DPH6: variants seen among roughly 807,000 people sequenced by gnomAD.
DPH6 encodes diphthine--ammonia ligase.
DPH6 carries 33 observed loss-of-function variants against 38.2 expected under a neutral mutation model. The ratio of observed to expected loss-of-function variants is 0.86; its 90% CI spans 0.65 to 1.15. The LOEUF is 1.15. Ranked by LOEUF, DPH6 falls within the 50% of genes most tolerant of loss-of-function variation. DPH6 has a pLI of 0.00. For missense variants in DPH6, 325 were observed against 320.0 expected (o/e 1.02, Z -0.12); for synonymous variants, 108 against 103.0 (o/e 1.05, Z -0.30).
At chr15:35,393,069 G>T (rs1482399288) in intron 6 of DPH6, among the ~76,000 whole-genome samples, 1 of 152,148 alleles carries the variant, frequency 6.6e-6, no homozygotes, top group Non-Finnish European at 1.5e-5. Flanking sequence ...CCACGGAGAG[G>T]TTTTAAGCAA....
rs139243780 is a variant in DPH6, at chr15:35,333,118, A to G, written n.208-2041T>C. Among the ~76,000 whole-genome samples, 330 of 152,128 alleles carry G rather than the reference A, an allele frequency of 2.2e-3. 1 individual carries two copies. Among genetic ancestry groups the G allele is most frequent in the African/African-American group, 7.4e-3 (307 of 41,546 alleles). ...TAAAAAAAAAAAAAGCTGAAATTGAATAAGTTAAGTGCAATTTAAATTTAG... is the reference window on the plus strand; with the variant it reads ...TAAAAAAAAAAAAAGCTGAAATTGAGTAAGTTAAGTGCAATTTAAATTTAG... On this transcript the variant is annotated intron_variant and non_coding_transcript_variant, in intron 3 of 3. Transcript: ENST00000558973.
intron 6 of DPH6, among the ~76,000 whole-genome samples, chr15:35,406,673 T>C (rs2053298047): frequency 6.6e-6 from 1 of 152,022 alleles, no homozygotes; most frequent in African/African-American, 2.4e-5. Flanking sequence ...ATTCATTTTT[T>C]TGGCTTGAAC....
intron 5 of DPH6, among the ~76,000 whole-genome samples, chr15:35,427,318 C>G (rs944276239): frequency 6.6e-6 from 1 of 151,898 alleles, no homozygotes; most frequent in Non-Finnish European, 1.5e-5. Context: ...AGCAATAAAT[C>G]ACCATGGCCA....
At chr15:35,439,297 G>C (rs778123381) in intron 5 of DPH6, among the ~76,000 whole-genome samples, 3 of 152,150 alleles carry the variant, frequency 2.0e-5, no homozygotes, top group Non-Finnish European at 4.4e-5. Flanking sequence ...TTTGTTTTCA[G>C]AGTCAAGGCA....
chr15:35,278,202 G>A (rs558384259), intron 3 of DPH6, among the ~76,000 whole-genome samples: 12 of 152,294 alleles, frequency 7.9e-5, no homozygotes, highest in African/African-American at 2.9e-4. Flanking sequence ...CAAGGACACT[G>A]CTGCCCTGCT....
At chr15:35,369,579 T>A (rs552140842), downstream of DPH6, among the ~76,000 whole-genome samples, 1 of 147,990 alleles carries the variant, frequency 6.8e-6, no homozygotes, top group South Asian at 2.1e-4. Context: ...ATCAACTAAC[T>A]CTGAATTCAC....
At chr15:35,530,081 A>G (rs1334980944) in intron 3 of DPH6, among the ~76,000 whole-genome samples, 3 of 152,222 alleles carry the variant, frequency 2.0e-5, no homozygotes, top group Admixed American at 6.5e-5. Context: ...CATGTGCTTC[A>G]AAAATATACA....
At chr15:35,537,948 A>AG (rs2055195974) in intron 3 of DPH6, 1 of 170,662 alleles carries the variant, frequency 5.9e-6, no homozygotes, top group Non-Finnish European at 1.3e-5. Flanking sequence ...GGCATATAGT[A>AG]GGCATTCAAA....
intron 3 of DPH6, among the ~76,000 whole-genome samples, chr15:35,515,814 T>G (rs1412550225): frequency 6.6e-6 from 1 of 151,716 alleles, no homozygotes; most frequent in Non-Finnish European, 1.5e-5. Context: ...CGGAAGATTG[T>G]TTGAGCTCAG....
intron 3 of DPH6, among the ~76,000 whole-genome samples, chr15:35,360,732 A>G (rs539369041): frequency 1.3e-5 from 2 of 152,154 alleles, no homozygotes; most frequent in East Asian, 3.9e-4. Flanking sequence ...GGATGGCAGG[A>G]CTGTCTCTGG....
rs1031365029 is a variant in DPH6, at chr15:35,240,820, C to A, written n.201-20238G>T. 1.4e-5 allele frequency among the ~76,000 whole-genome samples: 2 copies of A among 143,388 alleles called. 1 individual carries two copies. Among genetic ancestry groups the A allele is most frequent in the African/African-American group, 5.0e-5 (2 of 39,614 alleles). 94.1% of individuals were successfully genotyped at this position (143,388 alleles called of 152,430 possible). On this transcript the variant is annotated intron_variant and non_coding_transcript_variant, in intron 3 of 3. Coordinates refer to the DPH6 transcript ENST00000560386. ...TACATTTTATTACCCAATCTGCTCC[C>A]GACATTAAATAAAACTCCAAAAATT...
chr15:35,198,026 T>C, the DPH6 span, among the ~76,000 whole-genome samples: 1 of 151,512 alleles, frequency 6.6e-6, no homozygotes, highest in African/African-American at 2.4e-5. Context: ...ATATTTTATA[T>C]AAAAAAAAGA....
At chr15:35,193,291 T>C in the DPH6 span, among the ~76,000 whole-genome samples, 150 of 152,238 alleles carry the variant, frequency 9.9e-4, 2 homozygotes, top group East Asian at 0.028. Flanking sequence ...CTGGATTTGA[T>C]TGTCAACTTT....
the DPH6 span, among the ~76,000 whole-genome samples, chr15:35,167,349 T>C: frequency 3.3e-5 from 5 of 151,912 alleles, no homozygotes; most frequent in African/African-American, 1.2e-4. Flanking sequence ...CAAGGCTAGC[T>C]AGCATTTCCA....
the DPH6 span, among the ~76,000 whole-genome samples, chr15:35,170,415 C>T: frequency 1.3e-5 from 2 of 152,110 alleles, no homozygotes; most frequent in African/African-American, 2.4e-5. Flanking sequence ...GGAAAATAAA[C>T]GGTGGAGCTT....
chr15:35,182,220 ATTTTTTTTTTTTTTTTTTTTTTT>A, the DPH6 span, among the ~76,000 whole-genome samples: 562 of 86,062 alleles, frequency 6.5e-3, 4 homozygotes, highest in African/African-American at 0.021. Context: ...AACTCTAAGA[ATTTTTTTTTTTTTTTTTTTTTTT>A]TTTTTTTTTT....
intron 6 of DPH6, among the ~76,000 whole-genome samples, chr15:35,390,831 C>G (rs1031827114): frequency 6.6e-6 from 1 of 151,916 alleles, no homozygotes; most frequent in African/African-American, 2.4e-5. Flanking sequence ...TGAAGCCTTC[C>G]TCTCTCAACT....
chr15:35,302,576 T>C (rs1394446599), intron 3 of DPH6, among the ~76,000 whole-genome samples: 1 of 152,214 alleles, frequency 6.6e-6, no homozygotes, highest in Admixed American at 6.5e-5. Context: ...AGCATTTTAA[T>C]AGATTATGGC....
chr15:35,411,631 G>T (rs986047153), intron 5 of DPH6, among the ~76,000 whole-genome samples: 2 of 151,158 alleles, frequency 1.3e-5, no homozygotes, highest in Admixed American at 1.3e-4. Context: ...TAACCAGCTA[G>T]GAAAAAAAAT....
Sources: allele counts gnomAD v4.1 joint callset (sites outside exome capture counted in the v4.1 genomes callset), GRCh38; gene constraint gnomAD v4.1.1; transcripts MANE v1.5; gene names NCBI Gene and HGNC (gene_info 2026-07-23, HGNC 2026-07-21).